Variants in PCDHGA3 observed in about 807,000 individuals in gnomAD.
PCDHGA3 encodes the protein protocadherin gamma subfamily A, 3.
Under a neutral mutation model 58.5 loss-of-function variants are expected in PCDHGA3, and 40 were observed. That is an observed-to-expected ratio of 0.68 (90% CI 0.53 to 0.89). The LOEUF (loss-of-function observed/expected upper bound fraction) is 0.89. Among genes scored for constraint, PCDHGA3 ranks in the 40% least tolerant of loss-of-function variants. The pLI is 0.00. For missense variants in PCDHGA3, 1,223 were observed against 1,195.9 expected (o/e 1.02, Z -0.33); for synonymous variants, 530 against 525.7 (o/e 1.01, Z -0.11).
At chr5:141,390,447 G>C (rs941574561) in intron 1 of PCDHGA3, 12 of 843,730 alleles carry the variant, frequency 1.4e-5, no homozygotes, top group Admixed American at 2.9e-5. Flanking sequence ...TACAAAGGAG[G>C]AGTAAAGTAG....
At chr5:141,371,997 C>G in intron 1 of PCDHGA3, 6 of 1,613,232 alleles carry the variant, frequency 3.7e-6, no homozygotes, top group South Asian at 1.1e-5. Context: ...TCTGCAGGCC[C>G]GCGACCAGGG....
intron 3 of PCDHGA3, 40 bp downstream of exon 3, chr5:141,505,521 T>C: frequency 1.9e-6 from 3 of 1,612,684 alleles, no homozygotes; most frequent in Non-Finnish European, 2.5e-6. Context: ...GTGGGAGACC[T>C]GGGGTTCTGG....
At chr5:141,504,709 C>G (rs11743102) in intron 2 of PCDHGA3, among the ~76,000 whole-genome samples, 29,287 of 151,306 alleles carry the variant, frequency 0.19, 2,876 homozygotes, top group Middle Eastern at 0.24. Context: ...CTTCTATGGC[C>G]GTGGATTTTA....
intron 1 of PCDHGA3, chr5:141,376,017 C>G: frequency 6.2e-7 from 1 of 1,613,290 alleles, no homozygotes; most frequent in Middle Eastern, 1.7e-4. Flanking sequence ...CTAGTGGTGG[C>G]CGTCCAGGAC....
chr5:141,409,912 C>A (rs775668669), intron 1 of PCDHGA3: 2 of 1,613,180 alleles, frequency 1.2e-6, no homozygotes, highest in African/African-American at 2.7e-5. Flanking sequence ...TGGGTCCTGA[C>A]GGCTCCGCGT....
Position 141,468,058 on chromosome 5 carries a change from C to T in PCDHGA3, c.2425-26749C>T, listed in dbSNP as rs993225792. ...TAGAAAACTAAGCCGGGCACAGTGG[C>T]TCACACCTGTAATCCCAGCACTTTG... On this transcript the variant is annotated intron_variant, in intron 1 of 3. Transcript: ENST00000253812. 1.1e-4 allele frequency among the ~76,000 whole-genome samples: 16 copies of T among 152,140 alleles called. 2 individuals carry two copies. The highest frequency in any genetic ancestry group is 5.2e-4 in the Admixed American group (8 of 15,276).
At position 141,444,152 on chromosome 5, in the gene PCDHGA3, A is replaced by ATTTTTTTTTTT. The variant is rs747671382; in HGVS notation, c.2425-50629_2425-50619dup. 8.9e-5 allele frequency among the ~76,000 whole-genome samples: 3 copies of ATTTTTTTTTTT among 33,898 alleles called. 1 individual carries two copies. Among genetic ancestry groups the ATTTTTTTTTTT allele is most frequent in the African/African-American group, 4.2e-4 (3 of 7,184 alleles). 22.2% of individuals were successfully genotyped at this position (33,898 alleles called of 152,430 possible). On this transcript the variant is annotated intron_variant, in intron 1 of 3. Transcript: ENST00000253812. Reference sequence around the variant, plus strand: ...GATATGTGTCACTTGTGTGTACTGGATTTTTTTTTTTTTTTTTTTTTTTTT... The same window carrying ATTTTTTTTTTT: ...GATATGTGTCACTTGTGTGTACTGGATTTTTTTTTTTTTTTTTTTTTTTTTTTTTTTTTTTT...
chr5:141,436,309 T>C (rs1228417864), intron 1 of PCDHGA3, among the ~76,000 whole-genome samples: 1 of 152,198 alleles, frequency 6.6e-6, no homozygotes, highest in Non-Finnish European at 1.5e-5. Flanking sequence ...AGAGCATGAA[T>C]AGTCAAGACT....
In PCDHGA3 at chr5:141,346,407, C is replaced by CT. The variant is rs1257691248; in HGVS notation, c.2375dup (p.Ile793AspfsTer7). Reference sequence around the variant, plus strand: ...GAGCTGTGAGAAAAGCGAGCCTCTTCTGATAACTCAGGATTTACTTGAAAT... The same window carrying CT: ...GAGCTGTGAGAAAAGCGAGCCTCTTCTTGATAACTCAGGATTTACTTGAAAT... On this transcript the variant is annotated frameshift_variant, in exon 1 of 4. Transcript: ENST00000253812. LOFTEE classifies it high-confidence loss of function. 1 of 1,614,270 alleles carries CT rather than the reference C, an allele frequency of 6.2e-7. No homozygotes were observed. Among genetic ancestry groups the CT allele is most frequent in the Admixed American group, 1.7e-5 (1 of 60,036 alleles).
chr5:141,414,283 G>A, intron 1 of PCDHGA3: 1 of 1,613,520 alleles, frequency 6.2e-7, no homozygotes, highest in South Asian at 1.1e-5. Flanking sequence ...GGGAACAGTC[G>A]TAGCCCTTTT....
intron 2 of PCDHGA3, among the ~76,000 whole-genome samples, chr5:141,500,289 A>G (rs1440166636): frequency 6.6e-6 from 1 of 151,486 alleles, no homozygotes; most frequent in African/African-American, 2.4e-5. Flanking sequence ...GCTCACTGCA[A>G]GCTCCGCCTC....
At chr5:141,458,264 G>A (rs1489144612) in intron 1 of PCDHGA3, among the ~76,000 whole-genome samples, 3 of 152,092 alleles carry the variant, frequency 2.0e-5, no homozygotes, top group Non-Finnish European at 2.9e-5. Flanking sequence ...GATGAGTGGA[G>A]GAACAACAGG....
chr5:141,453,067 C>A (rs1227122711), intron 1 of PCDHGA3, among the ~76,000 whole-genome samples: 1 of 152,024 alleles, frequency 6.6e-6, no homozygotes, highest in African/African-American at 2.4e-5. Context: ...AGAGTTTTGC[C>A]ACACTCTGGT....
chr5:141,444,281 C>T (rs1256106299), intron 1 of PCDHGA3, among the ~76,000 whole-genome samples: 1 of 146,976 alleles, frequency 6.8e-6, no homozygotes, highest in African/African-American at 2.5e-5. Context: ...AAGTGATTCT[C>T]CTGCCTCAGC....
chr5:141,419,137 CA>C (rs1561778370), intron 1 of PCDHGA3: 1 of 1,613,892 alleles, frequency 6.2e-7, no homozygotes, highest in African/African-American at 1.3e-5. Flanking sequence ...CAGCCACAGA[CA>C]GGGGCAAGCC....
intron 1 of PCDHGA3, chr5:141,374,662 G>C (rs1378135258): frequency 6.2e-7 from 1 of 1,611,648 alleles, no homozygotes; most frequent in South Asian, 1.1e-5. Flanking sequence ...AGTACCCGGA[G>C]CTGGTGCTGG....
At chr5:141,448,143 A>C (rs2098568288) in intron 1 of PCDHGA3, among the ~76,000 whole-genome samples, 1 of 152,012 alleles carries the variant, frequency 6.6e-6, no homozygotes, top group Admixed American at 6.6e-5. Context: ...ACTATACCTC[A>C]GACTCACCCC....
chr5:141,476,230 G>A lies in PCDHGA3; in HGVS notation c.2425-18577G>A, dbSNP rs906283645. On this transcript the variant is annotated intron_variant, in intron 1 of 3. Coordinates refer to ENST00000253812, the MANE Select transcript of PCDHGA3 (RefSeq NM_018916.4). This position sits in a 1 kb window ranked among gnomAD's most constrained non-coding sequence, Gnocchi z 7.6. Reference sequence around the variant, plus strand: ...CCACGGTCATTCACTATGAGATCCCGGAGGAAAGAGAGAAGGGTTTCGCTG... The same window carrying A: ...CCACGGTCATTCACTATGAGATCCCAGAGGAAAGAGAGAAGGGTTTCGCTG... The A allele has an allele frequency of 1.2e-6, 2 of 1,614,040 alleles. No homozygotes were observed. Among genetic ancestry groups the A allele is most frequent in the Non-Finnish European group, 1.7e-6 (2 of 1,180,024 alleles).
intron 1 of PCDHGA3, among the ~76,000 whole-genome samples, chr5:141,467,960 C>T (rs1303642319): frequency 6.6e-6 from 1 of 151,998 alleles, no homozygotes; most frequent in Non-Finnish European, 1.5e-5. Flanking sequence ...CACCCGGCTG[C>T]CAGAAAATTT....
Sources: gnomAD v4.1 joint callset for allele counts (sites outside exome capture counted in the v4.1 genomes callset) on GRCh38, gnomAD v4.1.1 for gene constraint, Gnocchi (gnomAD v3.1) non-coding constraint, MANE v1.5 for transcripts, NCBI Gene and HGNC (gene_info 2026-07-23, HGNC 2026-07-21) for gene names.